DNAH14: variants seen among roughly 807,000 people sequenced by gnomAD.
The protein encoded by DNAH14 is dynein axonemal heavy chain 14.
Under a neutral mutation model 520.9 loss-of-function variants are expected in DNAH14, and 478 were observed. The observed-to-expected ratio is 0.92, with a 90% CI of 0.85 to 0.99. DNAH14 has a LOEUF of 0.99. Among genes scored for constraint, DNAH14 ranks in the 50% least tolerant of loss-of-function variants. The pLI is 0.00. For synonymous variants in DNAH14, 1,581 were observed against 1,757.2 expected (o/e 0.90, Z 2.51); for missense variants, 4,831 against 5,234.5 (o/e 0.92, Z 2.38).
Position 225,016,666 on chromosome 1 carries a change from C to T in DNAH14, c.1108-6949C>T, listed in dbSNP as rs567254464. On this transcript the variant is annotated intron_variant, in intron 10 of 85. Coordinates refer to ENST00000682510, the MANE Select transcript of DNAH14 (RefSeq NM_001367479.1). ...TTTTTCTCTTCTCTTTCTGCAACAA[C>T]CATAATCTGAATATTTGTCACTTAA... Among the ~76,000 whole-genome samples, 14 of 152,176 alleles carry T rather than the reference C, an allele frequency of 9.2e-5. No individual in the cohort carries two copies. The South Asian group carries it at 2.9e-3, about 32-fold the overall frequency.
At chr1:225,111,083 G>A (rs867451345) in intron 23 of DNAH14, among the ~76,000 whole-genome samples, 1 of 152,048 alleles carries the variant, frequency 6.6e-6, no homozygotes, top group African/African-American at 2.4e-5. Flanking sequence ...AGTAGAATGT[G>A]CATCCTGCAA....
In DNAH14 at chr1:224,952,672, A is replaced by G; in HGVS notation, c.-31A>G. On this transcript the variant is annotated splice_region_variant and 5_prime_UTR_variant, in exon 2 of 86. Coordinates refer to ENST00000682510, the MANE Select transcript of DNAH14 (RefSeq NM_001367479.1). ...TAATAATGTGAATTTTGTTACAGCC[A>G]GTTCCTTTATAGTTTTGTTCAGAAA... is the stretch of plus-strand genomic sequence containing the variant. 1 of 1,497,326 alleles carries G rather than the reference A, an allele frequency of 6.7e-7. No individual in the cohort carries two copies. Among genetic ancestry groups the G allele is most frequent in the Non-Finnish European group, 9.0e-7 (1 of 1,113,602 alleles). 92.8% of individuals were successfully genotyped at this position (1,497,326 alleles called of 1,614,324 possible).
In DNAH14 at chr1:225,356,871, C is replaced by T. The variant is rs74907050; in HGVS notation, c.11620-1625C>T. ...CACATTACCTTCCCCCAATAAGTTC[C>T]CAGTGATTTTAGTTTATGAACTAGA... On this transcript the variant is annotated intron_variant, in intron 73 of 85. Transcript: ENST00000682510. Among the ~76,000 whole-genome samples, 239 of 152,178 alleles carry T rather than the reference C, an allele frequency of 1.6e-3. 8 individuals carry two copies. The East Asian group carries it at 0.041, about 26-fold the overall frequency.
intron 77 of DNAH14, among the ~76,000 whole-genome samples, chr1:225,369,586 A>G (rs999095913): frequency 6.6e-6 from 1 of 152,092 alleles, no homozygotes. Context: ...AAAAACCTCC[A>G]TCAGGATTGG....
chr1:224,958,300 G>T (rs540162668), intron 3 of DNAH14, among the ~76,000 whole-genome samples: 130 of 152,208 alleles, frequency 8.5e-4, no homozygotes, highest in Non-Finnish European at 1.4e-3. Flanking sequence ...TTTGGTTTGT[G>T]TTCAGGATCC....
chr1:224,931,003 A>G (rs188080007), intron 1 of DNAH14, among the ~76,000 whole-genome samples: 1 of 152,348 alleles, frequency 6.6e-6, no homozygotes, highest in East Asian at 1.9e-4. Flanking sequence ...ATTCCAGAAG[A>G]AGGCATTGTT....
chr1:225,206,500 A>G (rs1037977801), intron 40 of DNAH14, among the ~76,000 whole-genome samples: 13 of 152,126 alleles, frequency 8.5e-5, no homozygotes, highest in African/African-American at 3.1e-4. Context: ...GCCTTTTCAT[A>G]CTCACTCTGA....
chr1:225,312,499 G>C (rs1015192529), intron 60 of DNAH14, among the ~76,000 whole-genome samples: 1 of 152,196 alleles, frequency 6.6e-6, no homozygotes, highest in Non-Finnish European at 1.5e-5. Context: ...GGAGTGGTGA[G>C]AGAAGGCATC....
intron 46 of DNAH14, among the ~76,000 whole-genome samples, chr1:225,261,155 G>A (rs2092922337): frequency 6.6e-6 from 1 of 152,158 alleles, no homozygotes; most frequent in Non-Finnish European, 1.5e-5. Flanking sequence ...AATTGCTCTG[G>A]CTAGGACTTC....
At chr1:225,206,850 A>G (rs2087631692) in intron 40 of DNAH14, 118 bp from the exon 41 acceptor site, 1 of 917,538 alleles carries the variant, frequency 1.1e-6, no homozygotes, top group Non-Finnish European at 1.6e-6. Context: ...TTAATGAATG[A>G]CAATTCTAAG....
chr1:224,986,024 G>A lies in DNAH14; in HGVS notation c.830+11871G>A, dbSNP rs192788748. 4.3e-3 allele frequency among the ~76,000 whole-genome samples: 660 copies of A among 151,918 alleles called. 2 individuals are homozygous for A. The highest frequency in any genetic ancestry group is 0.027 in the Middle Eastern group (8 of 294). On this transcript the variant is annotated intron_variant, in intron 8 of 85. Transcript: ENST00000682510. Reference sequence around the variant, plus strand: ...TAACAGAGAACTTCCCAAACCTAGGGAAAGATATCAATATTCAAGTACAAG... The same window carrying A: ...TAACAGAGAACTTCCCAAACCTAGGAAAAGATATCAATATTCAAGTACAAG...
intron 11 of DNAH14, among the ~76,000 whole-genome samples, chr1:225,025,764 A>G (rs946366394): frequency 1.1e-4 from 16 of 152,168 alleles, no homozygotes; most frequent in African/African-American, 2.7e-4. Flanking sequence ...AAATGAAGAT[A>G]ACAGTAATAC....
At position 225,192,884 on chromosome 1, in the gene DNAH14, A is replaced by G. The variant is rs1344216029; in HGVS notation, c.5859A>G (p.Leu1953=). 1.5e-5 allele frequency: 24 copies of G among 1,548,996 alleles called. No homozygotes were observed. Among genetic ancestry groups the G allele is most frequent in the Non-Finnish European group, 2.1e-5 (24 of 1,145,582 alleles). Residue 1953 remains leucine (L), a synonymous_variant, in exon 38 of 86, where the codon CTA becomes CTG. Coordinates refer to ENST00000682510, the MANE Select transcript of DNAH14 (RefSeq NM_001367479.1). ...CAAAGAAAGACATTGATCTCAGACT[A>G]AAGTCAAGAATCTCAGATTTATCCA... ...KNTKKDIDLR[L]KSRISDLSNV... is the part of the protein sequence containing the mutation.
chr1:225,264,543 T>C (rs1315232184), intron 47 of DNAH14, among the ~76,000 whole-genome samples: 1 of 152,120 alleles, frequency 6.6e-6, no homozygotes, highest in East Asian at 1.9e-4. Flanking sequence ...TAGAAGTAAC[T>C]AAAGGCAATA....
At chr1:225,171,087 G>A (rs913893186) in intron 36 of DNAH14, among the ~76,000 whole-genome samples, 4 of 152,092 alleles carry the variant, frequency 2.6e-5, no homozygotes, top group Non-Finnish European at 5.9e-5. Flanking sequence ...CAAAGACACA[G>A]CATACCAGAG....
chr1:225,188,661 G>A (rs1200978250), intron 37 of DNAH14, among the ~76,000 whole-genome samples: 1 of 151,822 alleles, frequency 6.6e-6, no homozygotes, highest in Non-Finnish European at 1.5e-5. Flanking sequence ...TGGACATTTG[G>A]TTATTTGGGG....
chr1:225,378,804 C>T (rs776118067), intron 79 of DNAH14, among the ~76,000 whole-genome samples: 5 of 148,346 alleles, frequency 3.4e-5, no homozygotes, highest in Non-Finnish European at 7.4e-5. Context: ...TGCTTGAACC[C>T]GGGAGGGGGA....
At chr1:225,063,180 C>G (rs555095332) in intron 17 of DNAH14, among the ~76,000 whole-genome samples, 45 of 152,126 alleles carry the variant, frequency 3.0e-4, no homozygotes, top group African/African-American at 1.0e-3. Flanking sequence ...TATAGTCATC[C>G]TTTTGTATTT....
chr1:225,170,775 G>A (rs549270332), intron 36 of DNAH14, among the ~76,000 whole-genome samples: 2 of 152,248 alleles, frequency 1.3e-5, no homozygotes, highest in Non-Finnish European at 1.5e-5. Context: ...GGACCTAATA[G>A]ACATCTACAA....
Sources: allele counts gnomAD v4.1 joint callset (sites outside exome capture counted in the v4.1 genomes callset), GRCh38; gene constraint gnomAD v4.1.1; transcripts MANE v1.5; gene names NCBI Gene and HGNC (gene_info 2026-07-23, HGNC 2026-07-21).